ZNF106: variants seen among roughly 807,000 people sequenced by gnomAD.
ZNF106 encodes the protein zinc finger protein 106, also known as SH3-domain binding protein 3.
ZNF106 carries 67 observed loss-of-function variants against 195.1 expected under a neutral mutation model. The ratio of observed to expected loss-of-function variants is 0.34; its 90% CI spans 0.28 to 0.42. The LOEUF (loss-of-function observed/expected upper bound fraction) is 0.42, where lower values mean the gene tolerates loss of function less well. ZNF106 is among the 10% of genes least tolerant of loss of function. The pLI is 1.00. For missense variants in ZNF106, 2,118 were observed against 2,304.5 expected, an observed-to-expected ratio of 0.92 and a Z score of 1.66; for synonymous variants, 784 against 818.6, an observed-to-expected ratio of 0.96 and a Z score of 0.72.
Position 42,451,868 on chromosome 15 carries a change from T to G in ZNF106, c.404A>C (p.Gln135Pro). Residue 135 changes from glutamine (Q) to proline (P), a missense_variant, in exon 5 of 22, where the codon CAA (glutamine) becomes CCA (proline). Gln to Pro is a moderately conservative substitution (Grantham distance 76). Coordinates refer to ENST00000564754, the MANE Select transcript of ZNF106 (RefSeq NM_001366845.3). ...QWRREDRIPY[Q>P]DRESYSQPAW... ...AGGCTGACTGTAACTCTCTCTGTCT[T>G]GGTAAGGAATTCGGTCTTCTCGTCT... 1 of 1,614,216 alleles carries G rather than the reference T, an allele frequency of 6.2e-7. No individual in the cohort carries two copies. The highest frequency in any genetic ancestry group is 8.5e-7 in the Non-Finnish European group (1 of 1,180,034).
chr15:42,482,200 A>G (rs987825403), intron 1 of ZNF106, among the ~76,000 whole-genome samples: 26 of 152,206 alleles, frequency 1.7e-4, no homozygotes, highest in African/African-American at 6.0e-4. Flanking sequence ...ATTTTCCTTT[A>G]TATCATTTTT....
In ZNF106 at chr15:42,419,690, G is replaced by A. The variant is rs1272803988; in HGVS notation, c.5517+1371C>T. ...ATGCAGGCCGGGCACTGTGGCTCAC[G>A]CCTGTCATCCCAGCACTTTGGGAGG... On this transcript the variant is annotated intron_variant, in intron 20 of 21. Coordinates refer to ENST00000564754, the MANE Select transcript of ZNF106 (RefSeq NM_001366845.3). Among the ~76,000 whole-genome samples, 3 of 152,186 alleles carry A rather than the reference G, an allele frequency of 2.0e-5. No individual in the cohort carries two copies. In the East Asian group the frequency reaches 5.8e-4, roughly 29 times the overall value.
intron 3 of ZNF106, among the ~76,000 whole-genome samples, chr15:42,457,899 C>CT (rs746862324): frequency 6.6e-6 from 1 of 152,162 alleles, no homozygotes; most frequent in Non-Finnish European, 1.5e-5. Flanking sequence ...ACTAGGCAGA[C>CT]TTTTTTGCTT....
At chr15:42,443,467 A>G (rs2055631920) in intron 9 of ZNF106, among the ~76,000 whole-genome samples, 1 of 152,160 alleles carries the variant, frequency 6.6e-6, no homozygotes, top group Non-Finnish European at 1.5e-5. Context: ...TTCCATCTCT[A>G]TAAAAGCATT....
chr15:42,451,840 T>C lies in ZNF106; in HGVS notation c.432A>G (p.Ala144=), dbSNP rs1438076739. The C allele has an allele frequency of 2.5e-6, 4 of 1,614,240 alleles. No individual in the cohort carries two copies. Among genetic ancestry groups the C allele is most frequent in the East Asian group, 4.5e-5 (2 of 44,882 alleles). ...GCTGTGGAGGTCCACGATGATGCCA[T>C]GCAGGCTGACTGTAACTCTCTCTGT... The part of the protein sequence containing the change: ...YQDRESYSQP[A]WHHRGPPQRD... The change falls in exon 5 of 22, where the codon GCA becomes GCG. Residue 144 remains alanine (A), a synonymous_variant. Coordinates refer to ENST00000564754, the MANE Select transcript of ZNF106 (RefSeq NM_001366845.3).
intron 17 of ZNF106, among the ~76,000 whole-genome samples, chr15:42,423,324 C>T (rs1045798294): frequency 2.0e-5 from 3 of 151,188 alleles, no homozygotes; most frequent in East Asian, 4.0e-4. Flanking sequence ...GAGTCAAGAT[C>T]GCACTACTGC....
intron 17 of ZNF106, among the ~76,000 whole-genome samples, 178 bp downstream of exon 17, chr15:42,423,820 T>C (rs1323359615): frequency 6.6e-6 from 1 of 152,260 alleles, no homozygotes; most frequent in Non-Finnish European, 1.5e-5. Flanking sequence ...TTAAAAACTT[T>C]GATGAGGTAG....
intron 1 of ZNF106, among the ~76,000 whole-genome samples, chr15:42,478,070 C>T (rs1199756742): frequency 6.6e-6 from 1 of 151,512 alleles, no homozygotes; most frequent in African/African-American, 2.4e-5. Flanking sequence ...ACCTCTGTAA[C>T]CTCCACCTGA....
Position 42,428,130 on chromosome 15 carries a change from C to T in ZNF106, c.4886G>A (p.Arg1629Gln), listed in dbSNP as rs370759444. The T allele has an allele frequency of 9.9e-6, 16 of 1,613,654 alleles. No individual in the cohort carries two copies. Among genetic ancestry groups the T allele is most frequent in the Middle Eastern group, 1.6e-4 (1 of 6,078 alleles). ...HTIRCYNVKS[R>Q]ECVEQLQLED... ...CAGCTGTAACTGCTCCACACACTCT[C>T]GGCTCTGATAAAAGCACACAACCTT... Residue 1629 changes from arginine to glutamine, a missense_variant, in exon 15 of 22, where the codon CGA (arginine) becomes CAA (glutamine). Physicochemically the swap from Arg to Gln is conservative, Grantham distance 43. Transcript: ENST00000564754.
chr15:42,446,832 A>C (rs1335039543), intron 6 of ZNF106, among the ~76,000 whole-genome samples, 174 bp from the exon 7 acceptor site: 2 of 152,174 alleles, frequency 1.3e-5, no homozygotes, highest in African/African-American at 4.8e-5. Flanking sequence ...TAGTTGAATA[A>C]ACGTATCTGA....
At chr15:42,468,837 G>A (rs1189071118) in intron 2 of ZNF106, among the ~76,000 whole-genome samples, 1 of 152,110 alleles carries the variant, frequency 6.6e-6, no homozygotes, top group Non-Finnish European at 1.5e-5. Context: ...ATTAACACTT[G>A]TGGACCTGAA....
At chr15:42,418,441 C>T (rs893576900) in intron 20 of ZNF106, among the ~76,000 whole-genome samples, 5 of 150,534 alleles carry the variant, frequency 3.3e-5, no homozygotes, top group African/African-American at 1.2e-4. Context: ...TCACTGCAAC[C>T]TCTGCCCCCT....
intron 1 of ZNF106, among the ~76,000 whole-genome samples, chr15:42,483,354 A>G (rs1265413222): frequency 1.3e-5 from 2 of 152,204 alleles, no homozygotes; most frequent in African/African-American, 4.8e-5. Flanking sequence ...GCAATGCTCA[A>G]GCGGGACAGA....
At chr15:42,488,152 A>G (rs1415994839) in intron 1 of ZNF106, among the ~76,000 whole-genome samples, 1 of 152,118 alleles carries the variant, frequency 6.6e-6, no homozygotes, top group Non-Finnish European at 1.5e-5. Flanking sequence ...TTTTTTCCCC[A>G]AATATTATCC....
Position 42,417,295 on chromosome 15 carries a change from C to G in ZNF106, c.*9G>C. On this transcript the variant is annotated 3_prime_UTR_variant, in exon 22 of 22. Coordinates refer to ENST00000564754, the MANE Select transcript of ZNF106 (RefSeq NM_001366845.3). Reference sequence around the variant, plus strand: ...ACTAATGACTTCCCAACGTGGGAGGCAAAAAACTTCATGAATCAATTTTGC... The same window carrying G: ...ACTAATGACTTCCCAACGTGGGAGGGAAAAAACTTCATGAATCAATTTTGC... The G allele has an allele frequency of 6.2e-7, 1 of 1,613,716 alleles. No homozygotes were observed. The highest frequency in any genetic ancestry group is 8.5e-7 in the Non-Finnish European group (1 of 1,179,878).
intron 20 of ZNF106, among the ~76,000 whole-genome samples, chr15:42,420,553 G>A (rs1595860391): frequency 1.3e-5 from 2 of 152,066 alleles, no homozygotes; most frequent in East Asian, 1.9e-4. Flanking sequence ...AAGGATCTTA[G>A]GGTTTTAGGG....
Position 42,443,643 on chromosome 15 carries a change from T to C in ZNF106, c.3421+559A>G, listed in dbSNP as rs375898013. ...TACTGGGGGGAGTGAGGTGGGAAAA[T>C]TGCTTGAGCCCAGGAGGTCAAGGCT... On this transcript the variant is annotated intron_variant, in intron 9 of 21. Coordinates refer to ENST00000564754, the MANE Select transcript of ZNF106 (RefSeq NM_001366845.3). Among the ~76,000 whole-genome samples the C allele has an allele frequency of 1.3e-4, 20 of 151,368 alleles. No homozygotes were observed. In the East Asian group the frequency reaches 1.9e-3, roughly 15 times the overall value.
chr15:42,444,361 G>T, intron 8 of ZNF106, 99 bp from the exon 9 acceptor site: 2 of 898,630 alleles, frequency 2.2e-6, no homozygotes, highest in Non-Finnish European at 3.5e-6. Flanking sequence ...AAATCAGAGT[G>T]TCTTGACTGC....
In ZNF106 at chr15:42,448,592, G is replaced by C; in HGVS notation, c.2615C>G (p.Ser872Cys). The C allele has an allele frequency of 2.5e-6, 4 of 1,614,112 alleles. No individual in the cohort carries two copies. Among genetic ancestry groups the C allele is most frequent in the Non-Finnish European group, 3.4e-6 (4 of 1,180,018 alleles). Reference sequence around the variant, plus strand: ...CTTTCTTGCCAAGCCAGGGGACGAGGAAATGGAAACACCTTCCCACTGGAA... The same window carrying C: ...CTTTCTTGCCAAGCCAGGGGACGAGCAAATGGAAACACCTTCCCACTGGAA... ...EGFQWEGVSISSSPGLARKRS... is the reference protein window; with the variant it reads ...EGFQWEGVSICSSPGLARKRS... The change falls in exon 6 of 22, where the codon TCC becomes TGC. Residue 872 changes from serine (S) to cysteine (C), a missense_variant. By Grantham distance (112) the Ser-to-Cys change is moderately radical. Transcript: ENST00000564754.
Sources: gnomAD v4.1 joint callset for allele counts (sites outside exome capture counted in the v4.1 genomes callset) on GRCh38, gnomAD v4.1.1 for gene constraint, MANE v1.5 for transcripts, NCBI Gene and HGNC (gene_info 2026-07-23, HGNC 2026-07-21) for gene names.